Variants in EYS observed in about 807,000 individuals in gnomAD.
The protein encoded by EYS is EGF-like photoreceptor maintenance factor.
A neutral mutation model predicts 282.1 loss-of-function variants in EYS; 250 were observed. The ratio of observed to expected loss-of-function variants is 0.89; its 90% CI spans 0.80 to 0.98. EYS has a LOEUF of 0.98. Ranked by LOEUF, EYS falls within the 50% of genes least tolerant of loss-of-function variation. The probability of loss-of-function intolerance (pLI) is 0.00; values close to 1 mark genes in which losing one functional copy is unlikely to be tolerated. For missense variants in EYS, 4,016 were observed against 3,709.0 expected, an observed-to-expected ratio of 1.08 and a Z score of -2.15; for synonymous variants, 1,355 against 1,282.9, an observed-to-expected ratio of 1.06 and a Z score of -1.20.
rs1454042221 is a variant in EYS, at chr6:65,457,338, T to A, written c.862+33256A>T. 2.0e-5 allele frequency among the ~76,000 whole-genome samples: 3 copies of A among 152,074 alleles called. No homozygotes were observed. The East Asian group carries it at 5.8e-4, about 29-fold the overall frequency. The stretch of plus-strand genomic sequence containing the variant: ...TGCCACCATGCTCAGCTAATTCTTT[T>A]TTTTTCCGTAGAGATGGGGTCTCAC... On this transcript the variant is annotated intron_variant, in intron 5 of 42. Coordinates refer to ENST00000503581, the MANE Select transcript of EYS (RefSeq NM_001142800.2).
intron 12 of EYS, among the ~76,000 whole-genome samples, chr6:65,111,340 T>C (rs978372723): frequency 3.3e-5 from 5 of 152,296 alleles, no homozygotes; most frequent in Middle Eastern, 3.4e-3. Context: ...TAAGTGTTTC[T>C]TAACCCCTGT....
At chr6:64,856,239 G>A (rs1298793108) in intron 19 of EYS, among the ~76,000 whole-genome samples, 3 of 152,028 alleles carry the variant, frequency 2.0e-5, no homozygotes, top group Non-Finnish European at 4.4e-5. Flanking sequence ...AAATAAATGA[G>A]AGTTCCTGTT....
chr6:64,693,485 A>C (rs2061836171), intron 22 of EYS, among the ~76,000 whole-genome samples: 1 of 152,170 alleles, frequency 6.6e-6, no homozygotes, highest in Non-Finnish European at 1.5e-5. Context: ...ATAAACCTAC[A>C]CTTAAATGGT....
At chr6:64,566,510 T>C (rs764100362) in intron 26 of EYS, among the ~76,000 whole-genome samples, 4 of 152,190 alleles carry the variant, frequency 2.6e-5, no homozygotes, top group Non-Finnish European at 4.4e-5. Flanking sequence ...TTGATAAGAA[T>C]GGGCACTTAA....
At chr6:64,987,166 A>G (rs1770885726) in intron 14 of EYS, among the ~76,000 whole-genome samples, 1 of 151,390 alleles carries the variant, frequency 6.6e-6, no homozygotes, top group Non-Finnish European at 1.5e-5. Context: ...TTGTATTTCA[A>G]TCTCTGTGGC....
intron 11 of EYS, among the ~76,000 whole-genome samples, chr6:65,305,916 A>G (rs2150294771): frequency 6.6e-6 from 1 of 152,276 alleles, no homozygotes. Context: ...TATGGGCTGT[A>G]GCAGTACACT....
intron 12 of EYS, among the ~76,000 whole-genome samples, chr6:65,125,512 T>C (rs773352961): frequency 2.6e-5 from 4 of 152,206 alleles, no homozygotes; most frequent in Non-Finnish European, 5.9e-5. Flanking sequence ...CAGTTCTATT[T>C]CAATGTTACC....
chr6:64,508,027 T>C (rs1304896577), intron 26 of EYS, among the ~76,000 whole-genome samples: 1 of 152,212 alleles, frequency 6.6e-6, no homozygotes, highest in Non-Finnish European at 1.5e-5. Context: ...TGCTTTCTAC[T>C]ACTTTGGTAG....
chr6:64,020,424 A>G (rs1769133568), intron 33 of EYS, among the ~76,000 whole-genome samples: 1 of 152,190 alleles, frequency 6.6e-6, no homozygotes, highest in African/African-American at 2.4e-5. Context: ...ACATTTGTTT[A>G]CTTAACTAAA....
chr6:64,880,574 C>A (rs189127030), intron 19 of EYS, among the ~76,000 whole-genome samples: 1 of 151,492 alleles, frequency 6.6e-6, no homozygotes, highest in Admixed American at 6.6e-5. Flanking sequence ...TGAACCCAAA[C>A]CTAATCAACT....
chr6:64,930,350 T>C (rs1768673256), intron 15 of EYS, among the ~76,000 whole-genome samples: 1 of 151,950 alleles, frequency 6.6e-6, no homozygotes, highest in African/African-American at 2.4e-5. Context: ...AGGAAAAATC[T>C]TTTAACTCTT....
intron 16 of EYS, among the ~76,000 whole-genome samples, chr6:64,911,254 G>GT (rs1201620006): frequency 6.6e-6 from 1 of 151,728 alleles, no homozygotes; most frequent in South Asian, 2.1e-4. Flanking sequence ...GTATTTTTTC[G>GT]TTTTTTTCTT....
intron 15 of EYS, among the ~76,000 whole-genome samples, chr6:64,943,180 G>A (rs1034374397): frequency 6.6e-6 from 1 of 151,886 alleles, no homozygotes; most frequent in Non-Finnish European, 1.5e-5. Flanking sequence ...ATCCTAAATA[G>A]ACTAGGTATC....
chr6:64,046,491 TCTTAA>T (rs958146812), intron 33 of EYS, among the ~76,000 whole-genome samples: 5 of 151,894 alleles, frequency 3.3e-5, no homozygotes, highest in South Asian at 2.1e-4. Context: ...ATCTTCTACA[TCTTAA>T]CTTAATTCTG....
At chr6:64,926,775 T>G (rs1033055972) in intron 15 of EYS, among the ~76,000 whole-genome samples, 2 of 152,150 alleles carry the variant, frequency 1.3e-5, no homozygotes, top group African/African-American at 4.8e-5. Flanking sequence ...AAGCCTCCAA[T>G]TACCCATCTG....
At chr6:64,416,617 A>T (rs530670831) in intron 28 of EYS, among the ~76,000 whole-genome samples, 1 of 151,350 alleles carries the variant, frequency 6.6e-6, no homozygotes, top group African/African-American at 2.4e-5. Flanking sequence ...GCAAAACTTC[A>T]TAAGTACTTA....
At chr6:65,265,837 A>C (rs1767739144) in intron 12 of EYS, among the ~76,000 whole-genome samples, 1 of 151,944 alleles carries the variant, frequency 6.6e-6, no homozygotes. Context: ...CATTTAACCT[A>C]GGATTCTATT....
chr6:64,014,705 T>A (rs975416390), intron 33 of EYS, among the ~76,000 whole-genome samples: 1 of 152,146 alleles, frequency 6.6e-6, no homozygotes, highest in African/African-American at 2.4e-5. Context: ...TCAATACCTC[T>A]TTGGTTTCTG....
At chr6:64,030,179 GA>G in intron 33 of EYS, among the ~76,000 whole-genome samples, 1 of 152,110 alleles carries the variant, frequency 6.6e-6, no homozygotes, top group Non-Finnish European at 1.5e-5. Flanking sequence ...CAAAGAAAAG[GA>G]GTCAGAAGGA....
Sources: allele counts gnomAD v4.1 joint callset (sites outside exome capture counted in the v4.1 genomes callset), GRCh38; gene constraint gnomAD v4.1.1; transcripts MANE v1.5; gene names NCBI Gene and HGNC (gene_info 2026-07-23, HGNC 2026-07-21).